ARHGAP11B: variants seen among roughly 807,000 people sequenced by gnomAD.
ARHGAP11B encodes the protein Rho GTPase activating protein 11B.
Under a neutral mutation model 27.6 loss-of-function variants are expected in ARHGAP11B, and 14 were observed. The observed-to-expected ratio is 0.51, with a 90% confidence interval of 0.34 to 0.79. ARHGAP11B has a LOEUF of 0.79. ARHGAP11B is among the 30% of genes least tolerant of loss of function. The pLI is 0.02. For synonymous variants in ARHGAP11B, 82 were observed against 114.1 expected (o/e 0.72, Z 1.80); for missense variants, 245 against 320.1 (o/e 0.77, Z 1.79).
At chr15:30,648,221 G>T (rs896659584) in intron 10 of ARHGAP11B, among the ~76,000 whole-genome samples, 23 of 152,078 alleles carry the variant, frequency 1.5e-4, no homozygotes, top group African/African-American at 5.3e-4. Context: ...GTAGCACGTA[G>T]CTTCCCTATG....
intron 1 of ARHGAP11B, 95 bp downstream of exon 1, chr15:30,627,044 A>G: frequency 6.5e-7 from 1 of 1,547,256 alleles, no homozygotes; most frequent in East Asian, 2.3e-5. Flanking sequence ...CACTCTGTGT[A>G]TCAAAAAGAA....
At chr15:30,635,506 C>T (rs2060274195) in exon 6 of ARHGAP11B, 1 of 1,613,172 alleles carries the variant, frequency 6.2e-7, no homozygotes, top group Non-Finnish European at 8.5e-7. Flanking sequence ...CAGACTTTAT[C>T]CTGGAAAAGA....
chr15:30,643,234 C>T (rs2060325576), intron 7 of ARHGAP11B, among the ~76,000 whole-genome samples: 1 of 150,738 alleles, frequency 6.6e-6, no homozygotes, highest in Non-Finnish European at 1.5e-5. Flanking sequence ...ATGGTTTTGT[C>T]AGAATTTCTC....
In ARHGAP11B at chr15:30,633,539, G is replaced by A. The variant is rs182277570; in HGVS notation, c.250G>A (p.Gly84Arg). The A allele has an allele frequency of 8.7e-6, 14 of 1,613,316 alleles. No individual in the cohort carries two copies. The Admixed American group carries it at 1.5e-4, about 17-fold the overall frequency. ...TTTAGAAGAACATATTCATACCGAA[G>A]GGCTTTTTCGGAAATCAGGATCTGT... is the stretch of plus-strand genomic sequence containing the variant. Residue 84 changes from glycine to arginine, a missense_variant, in exon 3 of 11, where the codon GGG becomes AGG. Physicochemically the swap from Gly to Arg is moderately radical, Grantham distance 125. Transcript: ENST00000428041.
At chr15:30,630,937 C>T (rs899634368) in intron 2 of ARHGAP11B, among the ~76,000 whole-genome samples, 164 bp downstream of exon 2, 1 of 151,826 alleles carries the variant, frequency 6.6e-6, no homozygotes, top group Non-Finnish European at 1.5e-5. Context: ...ATTAGCTTGG[C>T]GGAGCACACT....
chr15:30,640,270 C>T (rs2060307658), intron 7 of ARHGAP11B, among the ~76,000 whole-genome samples: 1 of 118,974 alleles, frequency 8.4e-6, no homozygotes, highest in Non-Finnish European at 1.7e-5. Flanking sequence ...AAGTTTTAGA[C>T]TCAAGTACCT....
chr15:30,634,097 A>G (rs1329098615), intron 3 of ARHGAP11B, 73 bp from the exon 4 acceptor site: 1 of 1,592,422 alleles, frequency 6.3e-7, no homozygotes, highest in African/African-American at 1.4e-5. Flanking sequence ...TAATTAGAGT[A>G]TAACAAAAGA....
chr15:30,648,032 C>G (rs2060362049), intron 10 of ARHGAP11B, among the ~76,000 whole-genome samples: 1 of 151,966 alleles, frequency 6.6e-6, no homozygotes, highest in African/African-American at 2.4e-5. Flanking sequence ...CTCCTGGGCT[C>G]AAGTGATTCT....
chr15:30,638,069 C>G (rs1385529474), intron 6 of ARHGAP11B, among the ~76,000 whole-genome samples: 1 of 145,066 alleles, frequency 6.9e-6, no homozygotes, highest in Non-Finnish European at 1.5e-5. Flanking sequence ...ATCTGCTTGC[C>G]TTGGCCTCCC....
At chr15:30,648,839 A>G (rs900161374) in exon 11 of ARHGAP11B, 5 of 151,920 alleles carry the variant, frequency 3.3e-5, no homozygotes, top group African/African-American at 1.2e-4. Context: ...AAAATGCTTA[A>G]TAATAAGGGT....
chr15:30,644,041 T>G (rs2060330593), intron 7 of ARHGAP11B, among the ~76,000 whole-genome samples: 1 of 151,894 alleles, frequency 6.6e-6, no homozygotes, highest in Non-Finnish European at 1.5e-5. Flanking sequence ...CTTCAAGACC[T>G]CAACCCACCT....
At chr15:30,630,994 C>T (rs1035121974) in intron 2 of ARHGAP11B, among the ~76,000 whole-genome samples, 2 of 151,738 alleles carry the variant, frequency 1.3e-5, no homozygotes, top group Admixed American at 1.3e-4. Flanking sequence ...ATTGCTTGAG[C>T]CCAGGAGGTG....
intron 7 of ARHGAP11B, among the ~76,000 whole-genome samples, chr15:30,641,217 C>T (rs1193546565): frequency 6.6e-6 from 1 of 151,906 alleles, no homozygotes; most frequent in Non-Finnish European, 1.5e-5. Flanking sequence ...CAACAAATTC[C>T]ATTTGCAAAA....
chr15:30,631,784 G>A (rs71397302), intron 2 of ARHGAP11B, among the ~76,000 whole-genome samples: 84,588 of 133,122 alleles, frequency 0.64, 24,672 homozygotes, highest in African/African-American at 0.75. Context: ...ATAACCTTTT[G>A]TTCTTTTTTT....
chr15:30,649,219 G>T (rs1231536429), exon 11 of ARHGAP11B: 2 of 152,164 alleles, frequency 1.3e-5, no homozygotes, highest in Non-Finnish European at 2.9e-5. Context: ...AAATGATACT[G>T]AGGTAGACAA....
At chr15:30,647,195 G>A (rs535896403) in intron 9 of ARHGAP11B, among the ~76,000 whole-genome samples, 3 of 151,768 alleles carry the variant, frequency 2.0e-5, no homozygotes, top group African/African-American at 4.8e-5. Context: ...TGGTCCATTG[G>A]TAAGCTTATG....
exon 1 of ARHGAP11B, chr15:30,626,208 T>C (rs919818216): frequency 1.3e-5 from 2 of 152,804 alleles, no homozygotes; most frequent in African/African-American, 4.8e-5. Context: ...CACCGGGATG[T>C]GCAGGCCGGG....
intron 6 of ARHGAP11B, among the ~76,000 whole-genome samples, chr15:30,637,438 T>C (rs1347352218): frequency 6.6e-6 from 1 of 152,122 alleles, no homozygotes; most frequent in Non-Finnish European, 1.5e-5. Flanking sequence ...GCATTGTTAC[T>C]GTAAGAATCT....
At chr15:30,640,000 G>A (rs2060305779) in intron 7 of ARHGAP11B, among the ~76,000 whole-genome samples, 1 of 150,610 alleles carries the variant, frequency 6.6e-6, no homozygotes, top group Non-Finnish European at 1.5e-5. Flanking sequence ...GTGTGTGTGT[G>A]TGTGTGTGTG....
Sources: allele counts gnomAD v4.1 joint callset (sites outside exome capture counted in the v4.1 genomes callset), GRCh38; gene constraint gnomAD v4.1.1; transcripts MANE v1.5; gene names NCBI Gene and HGNC (gene_info 2026-07-23, HGNC 2026-07-21).